Variants in PLPPR5 observed in about 807,000 individuals in gnomAD.
PLPPR5 encodes the protein phospholipid phosphatase related 5, also known as phospholipid phosphatase-related protein type 5.
Under a neutral mutation model 33.9 loss-of-function variants are expected in PLPPR5, and 16 were observed. That is an observed-to-expected ratio of 0.47 (90% confidence interval 0.32 to 0.72). The LOEUF (loss-of-function observed/expected upper bound fraction) is 0.72, where lower values mean the gene tolerates loss of function less well. Ranked by LOEUF, PLPPR5 falls within the 30% of genes least tolerant of loss-of-function variation. The probability of loss-of-function intolerance (pLI) is 0.03; values close to 1 mark genes in which losing one functional copy is unlikely to be tolerated. For missense variants in PLPPR5, 301 were observed against 406.7 expected, an observed-to-expected ratio of 0.74 and a Z score of 2.23; for synonymous variants, 163 against 150.3, an observed-to-expected ratio of 1.08 and a Z score of -0.62.
intron 3 of PLPPR5, among the ~76,000 whole-genome samples, chr1:98,937,418 A>G (rs1650209728): frequency 6.6e-6 from 1 of 152,202 alleles, no homozygotes; most frequent in Non-Finnish European, 1.5e-5. Context: ...TTGTATCAAG[A>G]AAATGCAGTA....
At chr1:98,897,802 T>A (rs542861823) in intron 5 of PLPPR5, among the ~76,000 whole-genome samples, 29 of 152,220 alleles carry the variant, frequency 1.9e-4, no homozygotes, top group African/African-American at 7.0e-4. Context: ...CTTTCTCATC[T>A]GTGAAATAGA....
intron 1 of PLPPR5, among the ~76,000 whole-genome samples, chr1:98,985,833 G>C (rs1652242967): frequency 6.6e-6 from 1 of 152,012 alleles, no homozygotes; most frequent in South Asian, 2.1e-4. Context: ...ATTTAGGTTT[G>C]TGTAAGTACA....
intron 1 of PLPPR5, among the ~76,000 whole-genome samples, chr1:98,982,600 G>A (rs1221207158): frequency 3.9e-5 from 6 of 151,964 alleles, no homozygotes; most frequent in Non-Finnish European, 7.4e-5. Context: ...TAGCTCGTTG[G>A]AACACTCATT....
Position 98,914,846 on chromosome 1 carries a change from C to G in PLPPR5, c.873G>C (p.Gln291His), listed in dbSNP as rs1451057120. The G allele has an allele frequency of 6.2e-7, 1 of 1,613,062 alleles. No individual in the cohort carries two copies. The highest frequency in any genetic ancestry group is 2.2e-5 in the East Asian group (1 of 44,798). Residue 291 changes from glutamine (Q) to histidine (H), a missense_variant, in exon 5 of 6, where the codon CAG becomes CAC. By Grantham distance (24) the Gln-to-His change is conservative. Coordinates refer to ENST00000263177, the MANE Select transcript of PLPPR5 (RefSeq NM_001037317.2). ...NEHIHMDNLAQMPMISIPRVE... is the reference protein window; with the variant it reads ...NEHIHMDNLAHMPMISIPRVE... ...CTCGAGGAATGCTGATCATTGGCATCTGTGCCAGATTATCCATGTGTATAT... is the reference window on the plus strand; with the variant it reads ...CTCGAGGAATGCTGATCATTGGCATGTGTGCCAGATTATCCATGTGTATAT...
chr1:98,948,912 G>A (rs1650659224), intron 3 of PLPPR5, among the ~76,000 whole-genome samples: 1 of 152,050 alleles, frequency 6.6e-6, no homozygotes, highest in Non-Finnish European at 1.5e-5. Flanking sequence ...AACACGTAGC[G>A]GAAACAGAGG....
At chr1:98,982,966 G>A (rs1024572798) in intron 1 of PLPPR5, among the ~76,000 whole-genome samples, 11 of 152,096 alleles carry the variant, frequency 7.2e-5, no homozygotes, top group Admixed American at 2.6e-4. Flanking sequence ...AGTTTGTGCT[G>A]CGAGAGAGCG....
chr1:98,910,901 T>A (rs1293132003), intron 5 of PLPPR5, among the ~76,000 whole-genome samples: 3 of 151,774 alleles, frequency 2.0e-5, no homozygotes, highest in Non-Finnish European at 4.4e-5. Context: ...TTTTTTTTTT[T>A]TTTTCTCATC....
chr1:98,941,206 G>A (rs1650354665), intron 3 of PLPPR5, among the ~76,000 whole-genome samples: 1 of 151,864 alleles, frequency 6.6e-6, no homozygotes, highest in Admixed American at 6.6e-5. Flanking sequence ...TTGCAATGAA[G>A]CACTTAATGA....
chr1:98,944,685 A>G lies in PLPPR5; in HGVS notation c.621+8385T>C, dbSNP rs147991364. Among the ~76,000 whole-genome samples, 429 of 152,350 alleles carry G rather than the reference A, an allele frequency of 2.8e-3. 2 individuals carry two copies. The highest frequency in any genetic ancestry group is 9.9e-3 in the African/African-American group (410 of 41,582). On this transcript the variant is annotated intron_variant, in intron 3 of 5. Transcript: ENST00000263177. ...AATGGACTAAGATACTGGGTGGCAT[A>G]CAAAGCTGCCAACTTTGAATAGAAC...
intron 1 of PLPPR5, among the ~76,000 whole-genome samples, chr1:98,978,475 T>C (rs752009738): frequency 8.6e-5 from 13 of 151,998 alleles, no homozygotes; most frequent in Non-Finnish European, 1.6e-4. Flanking sequence ...AATTCCTCAA[T>C]ACTATAAAAC....
chr1:98,962,088 A>G (rs900254051), intron 1 of PLPPR5, among the ~76,000 whole-genome samples: 1 of 152,106 alleles, frequency 6.6e-6, no homozygotes, highest in Non-Finnish European at 1.5e-5. Context: ...AATCCATTCA[A>G]TTTCTACTTG....
chr1:98,944,200 T>C (rs1488163092), intron 3 of PLPPR5, among the ~76,000 whole-genome samples: 1 of 152,184 alleles, frequency 6.6e-6, no homozygotes, highest in Non-Finnish European at 1.5e-5. Context: ...CAGTGGTCAG[T>C]GGCATGCTAG....
chr1:98,934,949 T>TA (rs918178352), intron 3 of PLPPR5, among the ~76,000 whole-genome samples: 9 of 151,488 alleles, frequency 5.9e-5, no homozygotes, highest in South Asian at 4.2e-4. Flanking sequence ...TTCATAGAAT[T>TA]AAAAAAAAAT....
chr1:98,933,564 T>C (rs1240125592), intron 3 of PLPPR5, among the ~76,000 whole-genome samples: 1 of 150,754 alleles, frequency 6.6e-6, no homozygotes, highest in Non-Finnish European at 1.5e-5. Flanking sequence ...GATGAGATAA[T>C]GACACTAAAG....
intron 1 of PLPPR5, among the ~76,000 whole-genome samples, chr1:98,996,221 C>T (rs1377911187): frequency 1.3e-5 from 2 of 151,784 alleles, no homozygotes; most frequent in East Asian, 1.9e-4. Flanking sequence ...AAGAAAGGAA[C>T]ATAAAAATGA....
chr1:98,912,167 T>C (rs1158471219), intron 5 of PLPPR5, among the ~76,000 whole-genome samples: 1 of 152,258 alleles, frequency 6.6e-6, no homozygotes, highest in African/African-American at 2.4e-5. Flanking sequence ...CATAGGTATG[T>C]GTCTCAAAAC....
chr1:98,897,309 G>A (rs1011688398), intron 5 of PLPPR5, among the ~76,000 whole-genome samples: 4 of 152,180 alleles, frequency 2.6e-5, no homozygotes, highest in Admixed American at 6.5e-5. Context: ...TCCAGCTGAA[G>A]AGCCTGGCAA....
At chr1:98,911,578 T>C (rs957606940) in intron 5 of PLPPR5, among the ~76,000 whole-genome samples, 1 of 152,154 alleles carries the variant, frequency 6.6e-6, no homozygotes, top group African/African-American at 2.4e-5. Flanking sequence ...ATATGAATAT[T>C]TGGCAATACT....
intron 5 of PLPPR5, among the ~76,000 whole-genome samples, chr1:98,910,892 T>G (rs1357616188): frequency 4.0e-5 from 6 of 150,818 alleles, no homozygotes; most frequent in South Asian, 2.1e-4. Flanking sequence ...GAGAGTGTTT[T>G]TTTTTTTTTT....
Sources: allele counts gnomAD v4.1 joint callset (sites outside exome capture counted in the v4.1 genomes callset), GRCh38; gene constraint gnomAD v4.1.1; transcripts MANE v1.5; gene names NCBI Gene and HGNC (gene_info 2026-07-23, HGNC 2026-07-21).